ARHGAP12: variants seen among roughly 807,000 people sequenced by gnomAD.
ARHGAP12 encodes the protein Rho GTPase activating protein 12, also known as rho GTPase-activating protein 12.
ARHGAP12 carries 64 observed loss-of-function variants against 108.6 expected under a neutral mutation model. The observed-to-expected ratio is 0.59, with a 90% CI of 0.48 to 0.73. The LOEUF (loss-of-function observed/expected upper bound fraction) is 0.73. ARHGAP12 is among the 30% of genes least tolerant of loss of function. ARHGAP12 has a pLI of 0.00. For synonymous variants in ARHGAP12, 312 were observed against 337.2 expected (o/e 0.93, Z 0.82); for missense variants, 940 against 1,005.9 (o/e 0.93, Z 0.89).
chr10:31,867,749 T>A (rs1039031319), intron 3 of ARHGAP12, among the ~76,000 whole-genome samples: 3 of 152,120 alleles, frequency 2.0e-5, no homozygotes, highest in Admixed American at 6.5e-5. Flanking sequence ...CAAAAATCCC[T>A]AACAAAGATG....
At chr10:31,836,378 T>C (rs1836014683) in intron 9 of ARHGAP12, among the ~76,000 whole-genome samples, 1 of 151,930 alleles carries the variant, frequency 6.6e-6, no homozygotes, top group Admixed American at 6.5e-5. Flanking sequence ...TATAGTCAAA[T>C]TGTAGACAAA....
intron 6 of ARHGAP12, among the ~76,000 whole-genome samples, chr10:31,850,655 C>T (rs941688647): frequency 4.6e-5 from 7 of 152,236 alleles, no homozygotes; most frequent in Admixed American, 1.3e-4. Context: ...TCGTACTAAG[C>T]TTGAGGTATC....
At chr10:31,905,544 C>T (rs1453305352) in intron 3 of ARHGAP12, among the ~76,000 whole-genome samples, 1 of 152,026 alleles carries the variant, frequency 6.6e-6, no homozygotes, top group Non-Finnish European at 1.5e-5. Context: ...ATCAGTTTTT[C>T]CAGGGGTCGC....
chr10:31,843,581 A>C lies in ARHGAP12; in HGVS notation c.1176T>G (p.Asn392Lys), dbSNP rs1836345971. 1.4e-5 allele frequency: 22 copies of C among 1,595,404 alleles called. No individual in the cohort carries two copies. The East Asian group carries it at 4.9e-4, about 36-fold the overall frequency. ...TTTCTCTTTGCTGCTGGGATGAAGC[A>C]TTATACTAAAACAAAACAAAGCAAA... ...SRSEWELPKYNASSQQQREII... is the reference protein window; with the variant it reads ...SRSEWELPKYKASSQQQREII... Residue 392 changes from asparagine (N) to lysine (K), a missense_variant, in exon 7 of 20, where the codon AAT (asparagine) becomes AAG (lysine). Physicochemically the swap from Asn to Lys is moderately conservative, Grantham distance 94. Coordinates refer to ENST00000344936, the MANE Select transcript of ARHGAP12 (RefSeq NM_018287.7).
At chr10:31,920,043 T>C (rs774587736) in intron 1 of ARHGAP12, among the ~76,000 whole-genome samples, 142 of 149,914 alleles carry the variant, frequency 9.5e-4, no homozygotes, top group Non-Finnish European at 1.7e-3. Context: ...GAGGCGGAGG[T>C]TGCAGTGAGC....
At chr10:31,833,838 C>T (rs975489213) in intron 9 of ARHGAP12, among the ~76,000 whole-genome samples, 1 of 152,156 alleles carries the variant, frequency 6.6e-6, no homozygotes, top group Admixed American at 6.5e-5. Context: ...CTAAAGACAG[C>T]ATTTCATATT....
chr10:31,921,472 A>C (rs1046465680), intron 1 of ARHGAP12, among the ~76,000 whole-genome samples: 1 of 152,118 alleles, frequency 6.6e-6, no homozygotes, highest in Non-Finnish European at 1.5e-5. Flanking sequence ...AATTAAATCC[A>C]AAGTTTGTAG....
intron 16 of ARHGAP12, among the ~76,000 whole-genome samples, chr10:31,809,860 A>C (rs906309714): frequency 1.3e-5 from 2 of 152,256 alleles, no homozygotes; most frequent in African/African-American, 4.8e-5. Context: ...AATTCATACA[A>C]TTAAGCCCCG....
At chr10:31,901,493 A>C (rs896016615) in intron 3 of ARHGAP12, among the ~76,000 whole-genome samples, 2 of 142,938 alleles carry the variant, frequency 1.4e-5, no homozygotes, top group Non-Finnish European at 3.0e-5. Flanking sequence ...AGATCACATC[A>C]CTGTACTCCA....
At chr10:31,863,498 C>A (rs1444795378) in intron 3 of ARHGAP12, among the ~76,000 whole-genome samples, 2 of 152,082 alleles carry the variant, frequency 1.3e-5, no homozygotes. Context: ...AGAAACAATT[C>A]CTGTTGTTTA....
At chr10:31,838,587 T>C (rs547844184) in intron 9 of ARHGAP12, among the ~76,000 whole-genome samples, 1 of 151,960 alleles carries the variant, frequency 6.6e-6, no homozygotes, top group African/African-American at 2.4e-5. Flanking sequence ...CCCAGCACTT[T>C]GGGGGGCCAG....
In ARHGAP12 at chr10:31,851,294, C is replaced by T. The variant is rs76150765; in HGVS notation, c.1170+1223G>A. Among the ~76,000 whole-genome samples, 1,077 of 152,120 alleles carry T rather than the reference C, an allele frequency of 7.1e-3. 14 individuals are homozygous for T. The highest frequency in any genetic ancestry group is 0.025 in the African/African-American group (1,029 of 41,524). On this transcript the variant is annotated intron_variant, in intron 6 of 19. Coordinates refer to ENST00000344936, the MANE Select transcript of ARHGAP12 (RefSeq NM_018287.7). ...TGAGCAAACAGAAAGTAAGAACCTA[C>T]GTAAAATGTGAGATAAAGGATCAAA...
At chr10:31,812,614 T>C in intron 15 of ARHGAP12, 93 bp downstream of exon 15, 1 of 778,926 alleles carries the variant, frequency 1.3e-6, no homozygotes, top group Non-Finnish European at 2.1e-6. Context: ...AATAATATTC[T>C]TACTGTTTGA....
chr10:31,907,037 T>C (rs527641315), intron 3 of ARHGAP12, among the ~76,000 whole-genome samples: 1 of 152,258 alleles, frequency 6.6e-6, no homozygotes, highest in African/African-American at 2.4e-5. Flanking sequence ...TCTAAAGTCT[T>C]CCCTTTTTCC....
chr10:31,896,136 G>A (rs992068213), intron 3 of ARHGAP12, among the ~76,000 whole-genome samples: 4 of 151,920 alleles, frequency 2.6e-5, no homozygotes, highest in African/African-American at 7.3e-5. Flanking sequence ...TATACCTAAC[G>A]TAAATGACGA....
chr10:31,875,174 G>GA (rs1268243204), intron 3 of ARHGAP12, among the ~76,000 whole-genome samples: 1 of 151,420 alleles, frequency 6.6e-6, no homozygotes, highest in African/African-American at 2.4e-5. Flanking sequence ...AGATTAAAAA[G>GA]AAAAAAATGC....
chr10:31,858,934 C>T (rs567948934), intron 4 of ARHGAP12, among the ~76,000 whole-genome samples: 2 of 152,226 alleles, frequency 1.3e-5, no homozygotes, highest in South Asian at 2.1e-4. Flanking sequence ...GACAAGCTTA[C>T]GGAACAGAAT....
chr10:31,891,705 C>T (rs946128564), intron 3 of ARHGAP12, among the ~76,000 whole-genome samples: 1 of 152,196 alleles, frequency 6.6e-6, no homozygotes, highest in Non-Finnish European at 1.5e-5. Context: ...CTCCCCGTCA[C>T]TTTCACGTAC....
intron 1 of ARHGAP12, among the ~76,000 whole-genome samples, chr10:31,919,847 G>A (rs537957328): frequency 6.1e-4 from 92 of 151,162 alleles, no homozygotes; most frequent in African/African-American, 1.9e-3. Flanking sequence ...GGCCAGGCAC[G>A]GTGGCTCACG....
Sources: gnomAD v4.1 joint callset for allele counts (sites outside exome capture counted in the v4.1 genomes callset) on GRCh38, gnomAD v4.1.1 for gene constraint, MANE v1.5 for transcripts, NCBI Gene and HGNC (gene_info 2026-07-23, HGNC 2026-07-21) for gene names.